Variants in SERPINC1 observed in about 807,000 individuals in gnomAD.
SERPINC1 encodes the protein serpin family C member 1.
In SERPINC1, 12 loss-of-function variants were observed where a neutral mutation model predicts 43.4. The ratio of observed to expected loss-of-function variants is 0.28; its 90% CI spans 0.18 to 0.45. The LOEUF (loss-of-function observed/expected upper bound fraction) is 0.45, where lower values mean the gene tolerates loss of function less well. SERPINC1 is among the 20% of genes least tolerant of loss of function. The pLI is 1.00. For synonymous variants in SERPINC1, 210 were observed against 218.9 expected, an observed-to-expected ratio of 0.96 and a Z score of 0.36; for missense variants, 423 against 578.8, an observed-to-expected ratio of 0.73 and a Z score of 2.76.
intron 6 of SERPINC1, among the ~76,000 whole-genome samples, chr1:173,904,578 A>G (rs574448444): frequency 2.0e-5 from 3 of 152,210 alleles, no homozygotes; most frequent in Admixed American, 6.5e-5. Context: ...GACTGAAACA[A>G]TGGTATTTGA....
chr1:173,913,630 G>A (rs1426020437), intron 2 of SERPINC1, among the ~76,000 whole-genome samples: 2 of 152,190 alleles, frequency 1.3e-5, no homozygotes, highest in Non-Finnish European at 2.9e-5. Flanking sequence ...GCCAAGGCAG[G>A]TGGATCACGA....
At chr1:173,908,351 G>A (rs776915653) in intron 5 of SERPINC1, among the ~76,000 whole-genome samples, 4 of 151,706 alleles carry the variant, frequency 2.6e-5, no homozygotes, top group South Asian at 2.1e-4. Context: ...TTAGCCGGGC[G>A]TGGTGGCAGG....
At chr1:173,908,756 C>G (rs1004503244) in intron 5 of SERPINC1, among the ~76,000 whole-genome samples, 1 of 152,026 alleles carries the variant, frequency 6.6e-6, no homozygotes, top group African/African-American at 2.4e-5. Flanking sequence ...GAGACCATCT[C>G]ACTATGTTGT....
chr1:173,916,215 C>T (rs1557904734), intron 1 of SERPINC1, among the ~76,000 whole-genome samples: 1 of 152,184 alleles, frequency 6.6e-6, no homozygotes, highest in Non-Finnish European at 1.5e-5. Flanking sequence ...GTAGATAAGA[C>T]AGGGTGGGGC....
intron 6 of SERPINC1, 152 bp from the exon 7 acceptor site, chr1:173,904,217 C>T (rs1657386661): frequency 1.4e-6 from 1 of 721,416 alleles, no homozygotes; most frequent in Non-Finnish European, 2.4e-6. Flanking sequence ...CAGAATCCTA[C>T]TTCTACTCAT....
At chr1:173,914,085 A>C (rs1355155216) in intron 2 of SERPINC1, among the ~76,000 whole-genome samples, 2 of 151,952 alleles carry the variant, frequency 1.3e-5, no homozygotes, top group Non-Finnish European at 2.9e-5. Flanking sequence ...CTCAAAAAAA[A>C]AAAAATACTA....
intron 1 of SERPINC1, chr1:173,915,263 A>G (rs1275419639): frequency 7.2e-6 from 7 of 974,936 alleles, no homozygotes; most frequent in Non-Finnish European, 9.3e-6. Flanking sequence ...TTTAGTGCCC[A>G]GTGAAGAGTC....
At chr1:173,911,560 G>T (rs1179118538) in intron 3 of SERPINC1, among the ~76,000 whole-genome samples, 2 of 152,200 alleles carry the variant, frequency 1.3e-5, no homozygotes, top group African/African-American at 2.4e-5. Flanking sequence ...TTGGTGGATG[G>T]AATGAAGAAT....
intron 6 of SERPINC1, among the ~76,000 whole-genome samples, chr1:173,906,541 T>A (rs1657520543): frequency 6.6e-6 from 1 of 152,174 alleles, no homozygotes; most frequent in Admixed American, 6.5e-5. Flanking sequence ...AGCTTCCCTT[T>A]CTTACCTTCC....
At chr1:173,916,718 T>A (rs1041721863) in intron 1 of SERPINC1, among the ~76,000 whole-genome samples, 29 of 150,976 alleles carry the variant, frequency 1.9e-4, no homozygotes, top group African/African-American at 6.6e-4. Context: ...AAGAAGGGAG[T>A]GTGTGTGGCA....
At chr1:173,907,291 G>C (rs1657556868) in intron 6 of SERPINC1, among the ~76,000 whole-genome samples, 159 bp downstream of exon 6, 1 of 152,148 alleles carries the variant, frequency 6.6e-6, no homozygotes, top group Non-Finnish European at 1.5e-5. Context: ...AGGGAAGGCA[G>C]AACAATCACA....
intron 3 of SERPINC1, 51 bp from the exon 4 acceptor site, chr1:173,910,942 C>T (rs1572089655): frequency 6.3e-7 from 1 of 1,597,294 alleles, no homozygotes. Flanking sequence ...CAATTGGCTT[C>T]TCCATTTTCC....
chr1:173,909,465 C>T, intron 5 of SERPINC1, 87 bp downstream of exon 5: 3 of 1,414,250 alleles, frequency 2.1e-6, no homozygotes, highest in Non-Finnish European at 3.0e-6. Context: ...TGACTTGTTG[C>T]TCCTTTCTAT....
chr1:173,911,777 A>G (rs375679197), intron 3 of SERPINC1, 22 bp downstream of exon 3: 2 of 1,582,912 alleles, frequency 1.3e-6, no homozygotes, highest in Non-Finnish European at 1.7e-6. Flanking sequence ...CTCGGAGGTC[A>G]GGGGTAACAT....
At chr1:173,911,451 TCATGTACCAACTTTATTTGAC>T (rs1192136588) in intron 3 of SERPINC1, among the ~76,000 whole-genome samples, 1 of 152,244 alleles carries the variant, frequency 6.6e-6, no homozygotes. Context: ...GTAACATGCA[TCATGTACCAACTTTATTTGAC>T]CATGATAACA....
At chr1:173,913,271 C>G (rs1657846919) in intron 2 of SERPINC1, among the ~76,000 whole-genome samples, 1 of 152,154 alleles carries the variant, frequency 6.6e-6, no homozygotes, top group Non-Finnish European at 1.5e-5. Flanking sequence ...TGTTTCCATC[C>G]ATGACTTGTC....
At chr1:173,916,979 G>A (rs1364978572) in intron 1 of SERPINC1, among the ~76,000 whole-genome samples, 2 of 152,154 alleles carry the variant, frequency 1.3e-5, no homozygotes, top group Non-Finnish European at 2.9e-5. Context: ...TTACACCAGG[G>A]ATGACATCCC....
intron 1 of SERPINC1, among the ~76,000 whole-genome samples, chr1:173,915,449 G>A (rs1447107597): frequency 6.6e-6 from 1 of 152,212 alleles, no homozygotes; most frequent in Non-Finnish European, 1.5e-5. Flanking sequence ...GCTGAGGCAT[G>A]CAGATCACTT....
intron 2 of SERPINC1, among the ~76,000 whole-genome samples, chr1:173,912,998 C>T (rs973058371): frequency 1.3e-5 from 2 of 152,176 alleles, no homozygotes; most frequent in African/African-American, 4.8e-5. Flanking sequence ...TTTAAATCTA[C>T]AATTTCTTTC....
Sources: gnomAD v4.1 joint callset for allele counts (sites outside exome capture counted in the v4.1 genomes callset) on GRCh38, gnomAD v4.1.1 for gene constraint, MANE v1.5 for transcripts, NCBI Gene and HGNC (gene_info 2026-07-23, HGNC 2026-07-21) for gene names.